The following MTSS1 variants were observed in gnomAD, a reference collection of about 807,000 sequenced individuals.
MTSS1 encodes MTSS I-BAR domain containing 1, also known as protein MTSS 1.
Under a neutral mutation model 79.0 loss-of-function variants are expected in MTSS1, and 18 were observed. The observed-to-expected ratio is 0.23, with a 90% confidence interval of 0.16 to 0.34. The LOEUF is 0.34. Ranked by LOEUF, MTSS1 falls within the 10% of genes least tolerant of loss-of-function variation. MTSS1 has a pLI of 1.00. For missense variants in MTSS1, 815 were observed against 986.2 expected, an observed-to-expected ratio of 0.83 and a Z score of 2.33; for synonymous variants, 341 against 368.6, an observed-to-expected ratio of 0.93 and a Z score of 0.86.
chr8:124,663,286 T>A (rs1236571287), intron 3 of MTSS1, among the ~76,000 whole-genome samples: 1 of 152,070 alleles, frequency 6.6e-6, no homozygotes, highest in African/African-American at 2.4e-5. Context: ...GACACACACG[T>A]CCACAGCCTT....
rs542735996 is a variant in MTSS1, at chr8:124,602,605, G to A, written c.209-11370C>T. Among the ~76,000 whole-genome samples the A allele has an allele frequency of 5.6e-4, 85 of 152,282 alleles. 1 individual carries two copies. Among genetic ancestry groups the A allele is most frequent in the African/African-American group, 1.9e-3 (78 of 41,560 alleles). On this transcript the variant is annotated intron_variant, in intron 3 of 13. Transcript: ENST00000518547. ...GAACAAGCTTGATCTAGACCAAGGGGCAAAACCCAAAAGGCTAGTAGGTGG... is the reference window on the plus strand; with the variant it reads ...GAACAAGCTTGATCTAGACCAAGGGACAAAACCCAAAAGGCTAGTAGGTGG...
At chr8:124,603,782 G>C (rs985619805) in intron 3 of MTSS1, among the ~76,000 whole-genome samples, 2 of 152,180 alleles carry the variant, frequency 1.3e-5, no homozygotes, top group African/African-American at 4.8e-5. Context: ...ATAAGTCACT[G>C]AGCAGCGTCC....
intron 13 of MTSS1, among the ~76,000 whole-genome samples, chr8:124,554,552 C>T (rs993949522): frequency 6.6e-6 from 1 of 152,170 alleles, no homozygotes; most frequent in South Asian, 2.1e-4. Flanking sequence ...TAGATATATT[C>T]TAGCTGTTAG....
chr8:124,567,567 A>G (rs1826780153), intron 7 of MTSS1: 2 of 1,332,136 alleles, frequency 1.5e-6, no homozygotes, highest in Non-Finnish European at 1.9e-6. Context: ...ACTTGGATAT[A>G]TTTTGGTCCA....
In MTSS1 at chr8:124,641,507, A is replaced by C. The variant is rs1210293764; in HGVS notation, c.209-50272T>G. Among the ~76,000 whole-genome samples the C allele has an allele frequency of 2.0e-5, 3 of 152,204 alleles. No individual in the cohort carries two copies. In the South Asian group the frequency reaches 6.2e-4, roughly 32 times the overall value. On this transcript the variant is annotated intron_variant, in intron 3 of 13. Coordinates refer to ENST00000518547, the MANE Select transcript of MTSS1 (RefSeq NM_014751.6). Reference sequence around the variant, plus strand: ...GCAGGAATTAAATAAGAACATATGGAAAGTGCCCAGCCCAGGCCTTGGAAC... The same window carrying C: ...GCAGGAATTAAATAAGAACATATGGCAAGTGCCCAGCCCAGGCCTTGGAAC...
chr8:124,679,376 T>C (rs1012001397), intron 3 of MTSS1, among the ~76,000 whole-genome samples: 3 of 152,246 alleles, frequency 2.0e-5, no homozygotes, highest in Non-Finnish European at 4.4e-5. Context: ...TATCTAATTC[T>C]GGCTATACTT....
intron 4 of MTSS1, among the ~76,000 whole-genome samples, chr8:124,590,570 A>G (rs1831677400): frequency 6.6e-6 from 1 of 152,188 alleles, no homozygotes; most frequent in African/African-American, 2.4e-5. Flanking sequence ...CATTTTGTGC[A>G]GTCTCCCAAA....
chr8:124,608,522 T>C (rs774670948), intron 3 of MTSS1, among the ~76,000 whole-genome samples: 1 of 152,238 alleles, frequency 6.6e-6, no homozygotes, highest in Non-Finnish European at 1.5e-5. Flanking sequence ...ATTGTGCATG[T>C]TCAGGTTGCC....
At chr8:124,613,692 G>T (rs193266192) in intron 3 of MTSS1, among the ~76,000 whole-genome samples, 57 of 152,300 alleles carry the variant, frequency 3.7e-4, no homozygotes, top group Middle Eastern at 6.8e-3. Context: ...TATTTCCATA[G>T]ACAATGAGTC....
At chr8:124,682,785 C>G (rs1826341582) in intron 3 of MTSS1, among the ~76,000 whole-genome samples, 1 of 152,174 alleles carries the variant, frequency 6.6e-6, no homozygotes, top group African/African-American at 2.4e-5. Flanking sequence ...GTCCTTACAG[C>G]ACACACAAAA....
chr8:124,708,117 G>A (rs1447997151), intron 1 of MTSS1, among the ~76,000 whole-genome samples: 1 of 152,204 alleles, frequency 6.6e-6, no homozygotes, highest in East Asian at 1.9e-4. Context: ...TGAAGGAGAT[G>A]AATAAAGATT....
rs113010705 is a variant in MTSS1, at chr8:124,565,763, A to C, written c.727-4T>G. On this transcript the variant is annotated splice_polypyrimidine_tract_variant and splice_region_variant and intron_variant, in intron 8 of 13. Coordinates refer to ENST00000518547, the MANE Select transcript of MTSS1 (RefSeq NM_014751.6). ...AACCTTTCAAGTCCAGAATCACCTA[A>C]GGGGACAGAGCCAGCTGGGTGAATG... 8 of 1,609,750 alleles carry C rather than the reference A, an allele frequency of 5.0e-6. No individual in the cohort carries two copies. In the African/African-American group the frequency reaches 5.3e-5, roughly 11 times the overall value.
intron 3 of MTSS1, among the ~76,000 whole-genome samples, chr8:124,689,720 T>C (rs180951116): frequency 1.8e-4 from 24 of 134,464 alleles, no homozygotes; most frequent in Admixed American, 1.5e-3. Flanking sequence ...CACTCCAGCC[T>C]GGGCAACGAG....
intron 6 of MTSS1, among the ~76,000 whole-genome samples, chr8:124,583,113 G>A (rs904380240): frequency 2.6e-5 from 4 of 152,158 alleles, no homozygotes; most frequent in Non-Finnish European, 2.9e-5. Flanking sequence ...GACCGATCTC[G>A]TGGACCTAAG....
At chr8:124,602,163 A>G (rs117650312) in intron 3 of MTSS1, among the ~76,000 whole-genome samples, 4,546 of 147,000 alleles carry the variant, frequency 0.031, 233 homozygotes, top group East Asian at 0.2. Context: ...AAAAAAAAAA[A>G]TCACAAATAA....
chr8:124,572,946 C>T (rs751550075), intron 6 of MTSS1, among the ~76,000 whole-genome samples: 4 of 152,022 alleles, frequency 2.6e-5, no homozygotes, highest in Non-Finnish European at 4.4e-5. Context: ...AGGATTTCAC[C>T]ATGTTGGCCA....
At chr8:124,725,611 A>G (rs1389526670) in intron 1 of MTSS1, among the ~76,000 whole-genome samples, 1 of 152,242 alleles carries the variant, frequency 6.6e-6, no homozygotes, top group African/African-American at 2.4e-5. Context: ...ATGGGAGTTT[A>G]AAGAAGAGAA....
At chr8:124,637,204 C>T (rs1014104985) in intron 3 of MTSS1, among the ~76,000 whole-genome samples, 46 of 152,176 alleles carry the variant, frequency 3.0e-4, no homozygotes, top group African/African-American at 9.4e-4. Context: ...CTAGAGCCAT[C>T]CTACTCCCTC....
chr8:124,718,188 C>T (rs1239868914), intron 1 of MTSS1, among the ~76,000 whole-genome samples: 1 of 152,112 alleles, frequency 6.6e-6, no homozygotes, highest in Admixed American at 6.5e-5. Context: ...GTTTTTCTTC[C>T]ATTAACTTTA....
Sources: allele counts gnomAD v4.1 joint callset (sites outside exome capture counted in the v4.1 genomes callset), GRCh38; gene constraint gnomAD v4.1.1; transcripts MANE v1.5; gene names NCBI Gene and HGNC (gene_info 2026-07-23, HGNC 2026-07-21).